IL11RA: variants seen among roughly 807,000 people sequenced by gnomAD.
IL11RA encodes the protein interleukin-11 receptor subunit alpha.
IL11RA carries 51 observed loss-of-function variants against 57.0 expected under a neutral mutation model. The ratio of observed to expected loss-of-function variants is 0.89; its 90% CI spans 0.71 to 1.13. The LOEUF is 1.13. IL11RA is among the 50% of genes most tolerant of loss of function. The probability of loss-of-function intolerance (pLI) is 0.00; values close to 1 mark genes in which losing one functional copy is unlikely to be tolerated. For synonymous variants in IL11RA, 199 were observed against 217.5 expected (o/e 0.91, Z 0.75); for missense variants, 498 against 539.4 (o/e 0.92, Z 0.76).
chr9:34,656,011 C>G, intron 3 of IL11RA: 1 of 350,918 alleles, frequency 2.8e-6, no homozygotes, highest in South Asian at 2.6e-5. Context: ...TGAGGGATGT[C>G]GAAGAGGACA....
rs59679449 is a variant in IL11RA at position 34,654,994 on chromosome 9, C to CGTGT, written c.1-204_1-201dup. On this transcript the variant is annotated intron_variant, in intron 1 of 12. Transcript: ENST00000441545. The stretch of plus-strand genomic sequence containing the variant: ...GAGGGTGTGAGGGGGTGTGTGTGTC[C>CGTGT]GTGTGTGTGTGTGTGTGTGTGTGCG... The CGTGT allele has an allele frequency of 7.3e-3, 3,465 of 474,848 alleles. 37 individuals are homozygous for CGTGT. The highest frequency in any genetic ancestry group is 0.046 in the African/African-American group (2,269 of 49,314). The allele number at this position is 474,848 out of a possible 1,614,324, so 29.4% of individuals were successfully genotyped here. A position where few individuals can be genotyped will look rare whatever the true frequency, so the allele number is the denominator to read the frequency against.
rs1344836993 is a variant in IL11RA, at chr9:34,658,739, G to A, written c.810+56G>A. 13 of 1,576,808 alleles carry A rather than the reference G, an allele frequency of 8.2e-6. No homozygotes were observed. The highest frequency in any genetic ancestry group is 1.1e-5 in the South Asian group (1 of 90,614). On this transcript the variant is annotated intron_variant, in intron 8 of 12. Transcript: ENST00000441545. This position sits in a 1 kb window ranked among gnomAD's most constrained non-coding sequence, Gnocchi z 4.0. Reference sequence around the variant, plus strand: ...CTGTGGGTCCTGTCTCTGATTTCACGATCCTGGGTGTTCTGTATAGCTTTC... The same window carrying A: ...CTGTGGGTCCTGTCTCTGATTTCACAATCCTGGGTGTTCTGTATAGCTTTC...
At position 34,657,510 on chromosome 9, in the gene IL11RA, A is replaced by G; in HGVS notation, c.569A>G (p.Gln190Arg). ...CVVHGAEFWS[Q>R]YRINVTEVNP... The stretch of plus-strand genomic sequence containing the variant: ...GTCCACGGGGCTGAGTTCTGGAGCC[A>G]GTACCGGATTAATGTGACTGAGGTG... Residue 190 changes from glutamine to arginine, a missense_variant, in exon 7 of 13, where the codon CAG (glutamine) becomes CGG (arginine). Gln to Arg is a conservative substitution (Grantham distance 43). Coordinates refer to ENST00000441545, the MANE Select transcript of IL11RA (RefSeq NM_001142784.3). 2 of 1,614,214 alleles carry G rather than the reference A, an allele frequency of 1.2e-6. No homozygotes were observed. The highest frequency in any genetic ancestry group is 2.7e-5 in the African/African-American group (2 of 75,054).
Position 34,658,547 on chromosome 9 carries a change from G to A in IL11RA, c.674G>A (p.Arg225Gln), listed in dbSNP as rs1821390282. ...ILRPDPPQGL[R>Q]VESVPGYPRR... ...CGCCCTGACCCACCCCAGGGCCTGC[G>A]GGTAGAGTCAGTACCAGGTTACCCC... The change falls in exon 8 of 13, where the codon CGG (arginine) becomes CAG (glutamine). Residue 225 changes from arginine to glutamine, a missense_variant. Coordinates refer to ENST00000441545, the MANE Select transcript of IL11RA (RefSeq NM_001142784.3). The surrounding 1 kb of genome is among the most constrained non-coding windows in gnomAD (Gnocchi z 4.0). The A allele has an allele frequency of 5.6e-6, 9 of 1,614,144 alleles. No individual in the cohort carries two copies. Among genetic ancestry groups the A allele is most frequent in the East Asian group, 4.5e-5 (2 of 44,886 alleles).
Position 34,657,522 on chromosome 9 carries a change from A to T in IL11RA, c.581A>T (p.Asn194Ile). ...GAEFWSQYRI[N>I]VTEVNPLGAS... ...GAGTTCTGGAGCCAGTACCGGATTAATGTGACTGAGGTGAACCCACTGGGT... is the reference window on the plus strand; with the variant it reads ...GAGTTCTGGAGCCAGTACCGGATTATTGTGACTGAGGTGAACCCACTGGGT... The change falls in exon 7 of 13, where the codon AAT becomes ATT. Residue 194 changes from asparagine to isoleucine, a missense_variant. Coordinates refer to ENST00000441545, the MANE Select transcript of IL11RA (RefSeq NM_001142784.3). 1 of 1,614,212 alleles carries T rather than the reference A, an allele frequency of 6.2e-7. No individual in the cohort carries two copies. The highest frequency in any genetic ancestry group is 1.7e-5 in the Admixed American group (1 of 60,022).
At chr9:34,660,226 C>G in intron 9 of IL11RA, 48 bp from the exon 10 acceptor site, 1 of 1,613,800 alleles carries the variant, frequency 6.2e-7, no homozygotes, top group Non-Finnish European at 8.5e-7. Flanking sequence ...GACGTGACCC[C>G]CGTCCCCACC....
chr9:34,658,805 G>A lies in IL11RA; in HGVS notation c.810+122G>A, dbSNP rs1259813323. 13 of 1,120,446 alleles carry A rather than the reference G, an allele frequency of 1.2e-5. No individual in the cohort carries two copies. The highest frequency in any genetic ancestry group is 1.7e-5 in the Non-Finnish European group (13 of 760,258). The allele number at this position is 1,120,446 out of a possible 1,614,324, so 69.4% of individuals were successfully genotyped here. A position where few individuals can be genotyped will look rare whatever the true frequency, so the allele number is the denominator to read the frequency against. On this transcript the variant is annotated intron_variant, in intron 8 of 12. Transcript: ENST00000441545. This position sits in a 1 kb window ranked among gnomAD's most constrained non-coding sequence, Gnocchi z 4.0. ...ACTGAAGACCCAACACTTCCCTGTG[G>A]GCCAGGCTTTGTACTGGGTGCTGGG... is the stretch of plus-strand genomic sequence containing the variant.
Position 34,656,887 on chromosome 9 carries a change from A to G in IL11RA, c.310A>G (p.Thr104Ala), listed in dbSNP as rs1292840063. 6.2e-7 allele frequency: 1 copy of G among 1,614,150 alleles called. No individual in the cohort carries two copies. The highest frequency in any genetic ancestry group is 1.1e-5 in the South Asian group (1 of 91,074). The change falls in exon 4 of 13, where the codon ACA becomes GCA. Residue 104 changes from threonine (T) to alanine (A), a missense_variant. Coordinates refer to ENST00000441545, the MANE Select transcript of IL11RA (RefSeq NM_001142784.3). ...CQTLDGALGG[T>A]VTLQLGYPPA... ...GACCCTGGATGGTGCACTTGGGGGC[A>G]CAGTGACCCTGCAGCTGGGCTGTGA...
intron 1 of IL11RA, chr9:34,654,953 G>A (rs1821313763): frequency 4.5e-6 from 2 of 442,502 alleles, no homozygotes; most frequent in Non-Finnish European, 8.4e-6. Flanking sequence ...TGGGCCCTAA[G>A]CCCAGGACTG....
In IL11RA at chr9:34,660,257, G is replaced by A. The variant is rs762371218; in HGVS notation, c.953-17G>A. ...CCACCAGCGTATGGACACTTATTGG[G>A]TCTTGCCTTCCTTTAGGGACCATAC... On this transcript the variant is annotated splice_polypyrimidine_tract_variant and intron_variant, in intron 9 of 12. Coordinates refer to ENST00000441545, the MANE Select transcript of IL11RA (RefSeq NM_001142784.3). 1.2e-6 allele frequency: 2 copies of A among 1,614,186 alleles called. No individual in the cohort carries two copies. The highest frequency in any genetic ancestry group is 2.7e-5 in the African/African-American group (2 of 75,040).
intron 8 of IL11RA, among the ~76,000 whole-genome samples, chr9:34,659,076 C>T (rs1810819): frequency 0.62 from 94,587 of 151,780 alleles, 29,975 homozygotes; most frequent in East Asian, 0.85. Context: ...AGGTGCCCGC[C>T]GCCATGCCTG....
chr9:34,654,954 C>T (rs942653538), intron 1 of IL11RA: 6 of 443,704 alleles, frequency 1.4e-5, no homozygotes, highest in Non-Finnish European at 2.1e-5. Context: ...GGGCCCTAAG[C>T]CCAGGACTGA....
chr9:34,659,892 C>T lies in IL11RA; in HGVS notation c.944C>T (p.Pro315Leu), dbSNP rs750780028. The change falls in exon 9 of 13, where the codon CCG (proline) becomes CTG (leucine). Residue 315 changes from proline (P) to leucine (L), a missense_variant. Transcript: ENST00000441545. ...TGGAGCCCGGAGGCCTGGGGAACTC[C>T]GAGCACTGGTGAGAGACAAAGCCAA... ...STWSPEAWGTPSTGTIPKEIP... is the reference protein window; with the variant it reads ...STWSPEAWGTLSTGTIPKEIP... The T allele has an allele frequency of 1.1e-5, 18 of 1,614,012 alleles. No homozygotes were observed. Among genetic ancestry groups the T allele is most frequent in the Admixed American group, 3.3e-5 (2 of 59,996 alleles).
chr9:34,659,318 G>A (rs1323465936), intron 8 of IL11RA, among the ~76,000 whole-genome samples: 4 of 152,228 alleles, frequency 2.6e-5, no homozygotes, highest in Non-Finnish European at 5.9e-5. Context: ...GTGAATTTGT[G>A]TCTCAGGAGA....
Position 34,657,133 on chromosome 9 carries a change from T to C in IL11RA, c.430T>C (p.Tyr144His). ...PSQISGLPTRYLTSYRKKTVL... is the reference protein window; with the variant it reads ...PSQISGLPTRHLTSYRKKTVL... ...CCAGATCAGCGGTTTACCCACCCGC[T>C]ACCTCACCTCCTACAGGTGTGTGTG... Residue 144 changes from tyrosine to histidine, a missense_variant, in exon 5 of 13, where the codon TAC becomes CAC. Tyr to His is a moderately conservative substitution (Grantham distance 83). Coordinates refer to ENST00000441545, the MANE Select transcript of IL11RA (RefSeq NM_001142784.3). 6.2e-7 allele frequency: 1 copy of C among 1,613,950 alleles called. No individual in the cohort carries two copies. The highest frequency in any genetic ancestry group is 8.5e-7 in the Non-Finnish European group (1 of 1,179,806).
chr9:34,658,489 C>T lies in IL11RA; in HGVS notation c.647-31C>T. 26 of 1,613,244 alleles carry T rather than the reference C, an allele frequency of 1.6e-5. No homozygotes were observed. Among genetic ancestry groups the T allele is most frequent in the Non-Finnish European group, 2.2e-5 (26 of 1,179,206 alleles). On this transcript the variant is annotated intron_variant, in intron 7 of 12. Coordinates refer to ENST00000441545, the MANE Select transcript of IL11RA (RefSeq NM_001142784.3). The surrounding 1 kb of genome is among the most constrained non-coding windows in gnomAD (Gnocchi z 4.0). ...TGGGGAAGTGATGGAGACCCATAGC[C>T]TACCCTGACTTTGTGTCTTGATGCC...
chr9:34,656,705 G>T (rs1375595009), intron 3 of IL11RA, 34 bp from the exon 4 acceptor site: 7 of 1,612,502 alleles, frequency 4.3e-6, no homozygotes, highest in Non-Finnish European at 3.4e-6. Flanking sequence ...TTGACATCTT[G>T]TCTTTGTCCA....
chr9:34,661,719 G>T lies in IL11RA; in HGVS notation c.*221G>T. ...GTTCTGCTCAAGGAACGTGTGTAATGTGTACATCTGTGTCCATGTGTGACC... is the reference window on the plus strand; with the variant it reads ...GTTCTGCTCAAGGAACGTGTGTAATTTGTACATCTGTGTCCATGTGTGACC... On this transcript the variant is annotated 3_prime_UTR_variant, in exon 13 of 13. Transcript: ENST00000441545. 1 of 698,162 alleles carries T rather than the reference G, an allele frequency of 1.4e-6. No individual in the cohort carries two copies. The highest frequency in any genetic ancestry group is 2.5e-6 in the Non-Finnish European group (1 of 398,404). 43.2% of individuals were successfully genotyped at this position (698,162 alleles called of 1,614,324 possible). A position where few individuals can be genotyped will look rare whatever the true frequency, so the allele number is the denominator to read the frequency against.
chr9:34,657,474 C>A lies in IL11RA; in HGVS notation c.533C>A (p.Ala178Asp), dbSNP rs531782575. The A allele has an allele frequency of 1.7e-5, 28 of 1,614,190 alleles. No homozygotes were observed. In the South Asian group the frequency reaches 3.0e-4, roughly 17 times the overall value. Residue 178 changes from alanine (A) to aspartate (D), a missense_variant, in exon 7 of 13, where the codon GCC becomes GAC. Physicochemically the swap from Ala to Asp is moderately radical, Grantham distance 126. Transcript: ENST00000441545. ...WPCPQDPLGA[A>D]RCVVHGAEFW... ...TGCCCACAGGATCCCCTAGGGGCTG[C>A]CCGCTGTGTTGTCCACGGGGCTGAG...
Sources: gnomAD v4.1 joint callset for allele counts (sites outside exome capture counted in the v4.1 genomes callset) on GRCh38, gnomAD v4.1.1 for gene constraint, Gnocchi (gnomAD v3.1) non-coding constraint, MANE v1.5 for transcripts, NCBI Gene and HGNC (gene_info 2026-07-23, HGNC 2026-07-21) for gene names.